The following NAALADL2 variants were observed in gnomAD, a reference collection of about 807,000 sequenced individuals.
NAALADL2 encodes N-acetylated alpha-linked acidic dipeptidase like 2.
Under a neutral mutation model 87.2 loss-of-function variants are expected in NAALADL2, and 76 were observed. That is an observed-to-expected ratio of 0.87 (90% confidence interval 0.72 to 1.05). The LOEUF is 1.05. Among genes scored for constraint, NAALADL2 ranks in the 50% least tolerant of loss-of-function variants. The probability of loss-of-function intolerance (pLI) is 0.00; values close to 1 mark genes in which losing one functional copy is unlikely to be tolerated. For synonymous variants in NAALADL2, 354 were observed against 331.0 expected, an observed-to-expected ratio of 1.07 and a Z score of -0.75; for missense variants, 1,089 against 945.8, an observed-to-expected ratio of 1.15 and a Z score of -1.99.
chr3:175,353,098 A>G (rs1459834551), intron 5 of NAALADL2, among the ~76,000 whole-genome samples: 1 of 146,586 alleles, frequency 6.8e-6, no homozygotes, highest in Non-Finnish European at 1.5e-5. Context: ...TCAAATATCC[A>G]TTTAATAAAA....
intron 2 of NAALADL2, among the ~76,000 whole-genome samples, chr3:175,134,970 A>G (rs780378215): frequency 7.9e-5 from 12 of 152,338 alleles, no homozygotes; most frequent in African/African-American, 7.2e-5. Context: ...GAGTGAAAAC[A>G]TAACATCCTA....
In NAALADL2 at chr3:175,256,504, T is replaced by C; in HGVS notation, c.913T>C (p.Leu305=). The change falls in exon 4 of 14, where the codon TTA becomes CTA. Residue 305 remains leucine (L), a synonymous_variant. Transcript: ENST00000454872. ...NVTNQIALLK[L]GKLPLLYKLS... ...AACAAATCAGATCGCACTCCTGAAATTAGGAAAATTGCCACTGCTTTATAA... is the reference window on the plus strand; with the variant it reads ...AACAAATCAGATCGCACTCCTGAAACTAGGAAAATTGCCACTGCTTTATAA... 1 of 1,612,562 alleles carries C rather than the reference T, an allele frequency of 6.2e-7. No individual in the cohort carries two copies. Among genetic ancestry groups the C allele is most frequent in the Non-Finnish European group, 8.5e-7 (1 of 1,179,348 alleles).
chr3:175,434,951 A>G (rs886771584), intron 5 of NAALADL2, among the ~76,000 whole-genome samples: 1 of 151,992 alleles, frequency 6.6e-6, no homozygotes, highest in Non-Finnish European at 1.5e-5. Context: ...CCAAATGTTC[A>G]TGTTTTTAGA....
At chr3:174,847,653 A>G (rs1724781089) in intron 3 of NAALADL2, among the ~76,000 whole-genome samples, 1 of 152,120 alleles carries the variant, frequency 6.6e-6, no homozygotes, top group Non-Finnish European at 1.5e-5. Flanking sequence ...ATATTATCTC[A>G]TTTGATTCCT....
chr3:175,144,863 C>T (rs1730528818), intron 2 of NAALADL2, among the ~76,000 whole-genome samples: 1 of 151,964 alleles, frequency 6.6e-6, no homozygotes, highest in Non-Finnish European at 1.5e-5. Context: ...GTTGCTTCTT[C>T]ATCTCATACA....
intron 2 of NAALADL2, among the ~76,000 whole-genome samples, chr3:175,178,071 AT>A (rs1409535735): frequency 6.6e-6 from 1 of 151,990 alleles, no homozygotes; most frequent in Non-Finnish European, 1.5e-5. Flanking sequence ...GGTTCATAGC[AT>A]TTCTTCCATA....
At chr3:174,731,347 G>A (rs1316697067) in intron 2 of NAALADL2, among the ~76,000 whole-genome samples, 1 of 152,068 alleles carries the variant, frequency 6.6e-6, no homozygotes, top group African/African-American at 2.4e-5. Flanking sequence ...TTGGCACTTG[G>A]TATATTGTCT....
chr3:174,746,279 A>G (rs936150299), intron 3 of NAALADL2, among the ~76,000 whole-genome samples: 3 of 152,172 alleles, frequency 2.0e-5, no homozygotes, highest in African/African-American at 7.2e-5. Context: ...ATTCTTATAC[A>G]CCAACAATGA....
chr3:175,783,422 A>G (rs1411756379), intron 13 of NAALADL2, among the ~76,000 whole-genome samples: 1 of 151,042 alleles, frequency 6.6e-6, no homozygotes, highest in Non-Finnish European at 1.5e-5. Flanking sequence ...GGTCCTTCCC[A>G]TCCCTTGTAA....
At chr3:175,609,679 A>C (rs755724303) in intron 10 of NAALADL2, 11 of 152,022 alleles carry the variant, frequency 7.2e-5, no homozygotes, top group Non-Finnish European at 1.3e-4. Context: ...TTTTTCTTTC[A>C]TTACAGTGTA....
At chr3:175,503,826 T>G (rs985180195) in intron 9 of NAALADL2, among the ~76,000 whole-genome samples, 4 of 152,204 alleles carry the variant, frequency 2.6e-5, no homozygotes, top group African/African-American at 9.6e-5. Context: ...ATTCTGGATA[T>G]GAGACCTTTG....
chr3:174,687,170 T>G (rs968463778), intron 2 of NAALADL2, among the ~76,000 whole-genome samples: 5 of 152,116 alleles, frequency 3.3e-5, no homozygotes, highest in African/African-American at 9.7e-5. Context: ...ACAAACTTGG[T>G]TAGTCTTCCT....
intron 9 of NAALADL2, among the ~76,000 whole-genome samples, chr3:175,573,963 A>G (rs763802666): frequency 8.1e-4 from 124 of 152,322 alleles, no homozygotes; most frequent in Non-Finnish European, 1.5e-3. Flanking sequence ...CTTGTCTGTA[A>G]ACTGAAACCC....
chr3:175,409,547 A>G (rs1047310023), intron 5 of NAALADL2, among the ~76,000 whole-genome samples: 1 of 151,928 alleles, frequency 6.6e-6, no homozygotes, highest in Non-Finnish European at 1.5e-5. Flanking sequence ...AATAATATAT[A>G]TAAGTATAAG....
chr3:175,100,838 CAAAA>C (rs562200946), intron 2 of NAALADL2, among the ~76,000 whole-genome samples: 16 of 69,320 alleles, frequency 2.3e-4, no homozygotes, highest in Admixed American at 1.8e-3. Context: ...GACTCTGTCT[CAAAA>C]AAAAAAAAAA....
At chr3:175,296,347 A>G (rs757914842) in intron 4 of NAALADL2, among the ~76,000 whole-genome samples, 6 of 152,196 alleles carry the variant, frequency 3.9e-5, no homozygotes, top group Non-Finnish European at 7.3e-5. Flanking sequence ...GAAATTCTGC[A>G]TTATTCACAT....
chr3:175,685,952 G>A (rs1291516018), intron 11 of NAALADL2, among the ~76,000 whole-genome samples: 1 of 152,048 alleles, frequency 6.6e-6, no homozygotes, highest in East Asian at 1.9e-4. Flanking sequence ...CAAATACCTG[G>A]GAACTCTGTG....
Position 175,431,648 on chromosome 3 carries a change from C to G in NAALADL2, c.1091-15581C>G, listed in dbSNP as rs187012841. Reference sequence around the variant, plus strand: ...ATTCACAGTAACGTGTGGACTATGACCAAGCAGTGAAAGTCAAAAGTTCTT... The same window carrying G: ...ATTCACAGTAACGTGTGGACTATGAGCAAGCAGTGAAAGTCAAAAGTTCTT... On this transcript the variant is annotated intron_variant, in intron 5 of 13. Coordinates refer to ENST00000454872, the MANE Select transcript of NAALADL2 (RefSeq NM_207015.3). 6.4e-4 allele frequency among the ~76,000 whole-genome samples: 97 copies of G among 152,070 alleles called. 2 individuals carry two copies. Among genetic ancestry groups the G allele is most frequent in the Admixed American group, 6.3e-3 (96 of 15,198 alleles).
intron 4 of NAALADL2, among the ~76,000 whole-genome samples, chr3:175,271,453 ATAAAAT>A (rs1752822772): frequency 6.6e-6 from 1 of 152,200 alleles, no homozygotes; most frequent in Non-Finnish European, 1.5e-5. Context: ...TTTGTGGGTT[ATAAAAT>A]TAGGACCTTT....
Sources: gnomAD v4.1 joint callset for allele counts (sites outside exome capture counted in the v4.1 genomes callset) on GRCh38, gnomAD v4.1.1 for gene constraint, MANE v1.5 for transcripts, NCBI Gene and HGNC (gene_info 2026-07-23, HGNC 2026-07-21) for gene names.